The following AXL variants were observed in gnomAD, a reference collection of about 807,000 sequenced individuals.
AXL encodes AXL receptor tyrosine kinase, also known as tyrosine-protein kinase receptor UFO.
AXL carries 52 observed loss-of-function variants against 104.5 expected under a neutral mutation model. The observed-to-expected ratio is 0.50, with a 90% confidence interval of 0.40 to 0.63. The LOEUF (loss-of-function observed/expected upper bound fraction) is 0.63. Among genes scored for constraint, AXL ranks in the 20% least tolerant of loss-of-function variants. The pLI, the probability that AXL is intolerant of heterozygous loss-of-function variation, is 0.00. For synonymous variants in AXL, 455 were observed against 473.7 expected (o/e 0.96, Z 0.51); for missense variants, 1,024 against 1,188.5 (o/e 0.86, Z 2.04).
chr19:41,240,467 G>A (rs774918031), intron 10 of AXL, among the ~76,000 whole-genome samples: 14 of 151,910 alleles, frequency 9.2e-5, no homozygotes, highest in Non-Finnish European at 1.8e-4. Flanking sequence ...TGAATGGATG[G>A]GTAGAAAGGT....
chr19:41,238,322 C>G lies in AXL; in HGVS notation c.995-148C>G, dbSNP rs752242309. 3.3e-4 allele frequency: 486 copies of G among 1,456,148 alleles called. 1 individual carries two copies. The highest frequency in any genetic ancestry group is 4.4e-4 in the Non-Finnish European group (473 of 1,063,348). 90.2% of individuals were successfully genotyped at this position (1,456,148 alleles called of 1,614,324 possible). On this transcript the variant is annotated intron_variant, in intron 7 of 19. Coordinates refer to ENST00000301178, the MANE Select transcript of AXL (RefSeq NM_021913.5). ...ACTGCCCGCTGGCCTCTCTCCCAGC[C>G]CTTCTCTCCCCTGTGCTTCCTCTCA...
Position 41,248,778 on chromosome 19 carries a change from C to G in AXL, c.1669C>G (p.Gln557Glu), listed in dbSNP as rs749365539. Residue 557 changes from glutamine (Q) to glutamate (E), a missense_variant, in exon 14 of 20, where the codon CAG (glutamine) becomes GAG (glutamate). Transcript: ENST00000301178. ...FGAVMEGQLN[Q>E]DDSILKVAVK... Reference sequence around the variant, plus strand: ...AGCTGTGATGGAAGGCCAGCTCAACCAGGACGACTCCATCCTCAAGGTGGC... The same window carrying G: ...AGCTGTGATGGAAGGCCAGCTCAACGAGGACGACTCCATCCTCAAGGTGGC... The G allele has an allele frequency of 6.2e-7, 1 of 1,613,894 alleles. No homozygotes were observed. The highest frequency in any genetic ancestry group is 1.1e-5 in the South Asian group (1 of 91,052).
Position 41,248,772 on chromosome 19 carries a change from C to T in AXL, c.1663C>T (p.Leu555Phe), listed in dbSNP as rs1599739677. 1.9e-6 allele frequency: 3 copies of T among 1,614,030 alleles called. No homozygotes were observed. Among genetic ancestry groups the T allele is most frequent in the South Asian group, 2.2e-5 (2 of 91,052 alleles). The change falls in exon 14 of 20, where the codon CTC (leucine) becomes TTC (phenylalanine). Residue 555 changes from leucine to phenylalanine, a missense_variant. Around this residue, in one of 5 missense-constraint regions of AXL, gnomAD observed 523 missense variants for 636.0 expected, o/e 0.82. Transcript: ENST00000301178. ...GTTTGGAGCTGTGATGGAAGGCCAG[C>T]TCAACCAGGACGACTCCATCCTCAA... ...GEFGAVMEGQ[L>F]NQDDSILKVA...
chr19:41,254,503 A>G (rs1366575280), intron 17 of AXL, among the ~76,000 whole-genome samples: 1 of 151,666 alleles, frequency 6.6e-6, no homozygotes, highest in African/African-American at 2.4e-5. Flanking sequence ...CTGGGTAACA[A>G]CAACGAGACA....
chr19:41,244,402 C>T (rs145232756), intron 12 of AXL, among the ~76,000 whole-genome samples: 2 of 152,180 alleles, frequency 1.3e-5, no homozygotes, highest in African/African-American at 2.4e-5. Context: ...ATGTGGCAGG[C>T]TCTGTTCTAA....
chr19:41,243,737 G>A (rs1194461493), intron 12 of AXL, 30 bp downstream of exon 12: 1 of 1,587,930 alleles, frequency 6.3e-7, no homozygotes, highest in Non-Finnish European at 8.6e-7. Context: ...CACTGCCCTG[G>A]CCTGGATCTA....
intron 4 of AXL, among the ~76,000 whole-genome samples, chr19:41,228,625 C>T (rs1395792291): frequency 6.6e-6 from 1 of 152,158 alleles, no homozygotes; most frequent in Non-Finnish European, 1.5e-5. Context: ...CATATTTCTA[C>T]ACCTATGCCC....
At chr19:41,239,642 G>C (rs368712021) in intron 9 of AXL, 52 bp from the exon 10 acceptor site, 1 of 1,610,692 alleles carries the variant, frequency 6.2e-7, no homozygotes, top group Non-Finnish European at 8.5e-7. Context: ...CCCGTGCCAC[G>C]CCAGTCTTGT....
chr19:41,229,467 G>A (rs996387993), intron 4 of AXL, among the ~76,000 whole-genome samples: 2 of 151,952 alleles, frequency 1.3e-5, no homozygotes, highest in African/African-American at 2.4e-5. Flanking sequence ...GTCTCACCAC[G>A]TTGCCCAGGC....
chr19:41,252,398 G>C lies in AXL; in HGVS notation c.1759G>C (p.Val587Leu), dbSNP rs746008731. ...SELEDFLSEA[V>L]CMKEFDHPNV... ...GCTGGAGGATTTCCTGAGTGAAGCG[G>C]TCTGCATGAAGGAATTTGACCATCC... is the stretch of plus-strand genomic sequence containing the variant. The change falls in exon 15 of 20, where the codon GTC (valine) becomes CTC (leucine). Residue 587 changes from valine to leucine, a missense_variant. Coordinates refer to ENST00000301178, the MANE Select transcript of AXL (RefSeq NM_021913.5). 3 of 1,613,994 alleles carry C rather than the reference G, an allele frequency of 1.9e-6. No individual in the cohort carries two copies. Among genetic ancestry groups the C allele is most frequent in the South Asian group, 1.1e-5 (1 of 91,080 alleles).
intron 4 of AXL, among the ~76,000 whole-genome samples, chr19:41,226,067 G>A (rs1010635431): frequency 3.7e-4 from 57 of 152,328 alleles, no homozygotes; most frequent in African/African-American, 1.4e-3. Context: ...GAGGGGAAGG[G>A]GTCCCAGTTC....
intron 10 of AXL, among the ~76,000 whole-genome samples, chr19:41,242,265 C>T (rs1463722257): frequency 6.6e-6 from 1 of 151,484 alleles, no homozygotes. Context: ...AACCCTGAAC[C>T]CTCAGGTTAA....
intron 1 of AXL, among the ~76,000 whole-genome samples, chr19:41,220,032 TCA>T (rs1393371656): frequency 2.0e-5 from 3 of 151,952 alleles, no homozygotes; most frequent in Non-Finnish European, 4.4e-5. Context: ...TCTCTCTCTT[TCA>T]CAGTCTCTGC....
chr19:41,244,144 G>T (rs1237450770), intron 12 of AXL, among the ~76,000 whole-genome samples: 1 of 151,978 alleles, frequency 6.6e-6, no homozygotes, highest in South Asian at 2.1e-4. Flanking sequence ...GGTCAAGGCT[G>T]CAGTAAGCCG....
intron 4 of AXL, among the ~76,000 whole-genome samples, chr19:41,224,530 G>A (rs1389417642): frequency 6.6e-6 from 1 of 152,072 alleles, no homozygotes; most frequent in African/African-American, 2.4e-5. Context: ...CTATAGGCAT[G>A]TGCCACCATA....
intron 17 of AXL, among the ~76,000 whole-genome samples, chr19:41,255,584 C>CAT (rs1311496520): frequency 1.3e-5 from 2 of 152,016 alleles, no homozygotes; most frequent in Non-Finnish European, 2.9e-5. Flanking sequence ...GAACTACAGA[C>CAT]ATGTGCCACC....
chr19:41,236,380 T>G (rs1415204490), intron 6 of AXL, among the ~76,000 whole-genome samples: 3 of 150,066 alleles, frequency 2.0e-5, no homozygotes, highest in Non-Finnish European at 3.0e-5. Flanking sequence ...CTCACGCCTG[T>G]AATCCCATCT....
chr19:41,259,702 G>C lies in AXL; in HGVS notation c.2483G>C (p.Gly828Ala). The stretch of plus-strand genomic sequence containing the variant: ...CTCTATGTCAACATGGATGAGGGTG[G>C]AGGTTATCCTGAACCCCCTGGAGCT... ...EILYVNMDEGGGYPEPPGAAG... is the reference protein window; with the variant it reads ...EILYVNMDEGAGYPEPPGAAG... Residue 828 changes from glycine to alanine, a missense_variant, in exon 20 of 20, where the codon GGA (glycine) becomes GCA (alanine). This residue lies in a region of AXL where 523 missense variants were observed against 636.0 expected (regional missense o/e 0.82). Transcript: ENST00000301178. 1 of 1,614,052 alleles carries C rather than the reference G, an allele frequency of 6.2e-7. No homozygotes were observed. Among genetic ancestry groups the C allele is most frequent in the Non-Finnish European group, 8.5e-7 (1 of 1,179,998 alleles).
chr19:41,251,217 C>A (rs2034356018), intron 14 of AXL, among the ~76,000 whole-genome samples: 1 of 152,086 alleles, frequency 6.6e-6, no homozygotes, highest in African/African-American at 2.4e-5. Flanking sequence ...GTGGGAGGAT[C>A]ACTTGAGGCT....
Sources: allele counts gnomAD v4.1 joint callset (sites outside exome capture counted in the v4.1 genomes callset), GRCh38; gene constraint gnomAD v4.1.1; regional missense constraint gnomAD v4.1.1; transcripts MANE v1.5; gene names NCBI Gene and HGNC (gene_info 2026-07-23, HGNC 2026-07-21).